RAB38: variants seen among roughly 807,000 people sequenced by gnomAD.
RAB38 encodes RAB38, member RAS oncogene family, also known as ras-related protein Rab-38.
Under a neutral mutation model 18.4 loss-of-function variants are expected in RAB38, and 15 were observed. The ratio of observed to expected loss-of-function variants is 0.82; its 90% CI spans 0.55 to 1.26. The LOEUF (loss-of-function observed/expected upper bound fraction) is 1.26, where lower values mean the gene tolerates loss of function less well. RAB38 is among the 50% of genes most tolerant of loss of function. The pLI, the probability that RAB38 is intolerant of heterozygous loss-of-function variation, is 0.00. For synonymous variants in RAB38, 101 were observed against 104.4 expected (o/e 0.97, Z 0.20); for missense variants, 294 against 267.4 (o/e 1.10, Z -0.69).
At chr11:87,811,257 G>T in the RAB38 span, among the ~76,000 whole-genome samples, 12 of 152,136 alleles carry the variant, frequency 7.9e-5, no homozygotes, top group Admixed American at 7.9e-4. Context: ...CACATGCCCA[G>T]GAATTTTCTT....
At chr11:88,012,593 C>T in the RAB38 span, among the ~76,000 whole-genome samples, 8 of 152,100 alleles carry the variant, frequency 5.3e-5, no homozygotes, top group Non-Finnish European at 1.0e-4. Flanking sequence ...ACAAGGCTCC[C>T]AAAAGCCATC....
At chr11:87,805,922 G>A in the RAB38 span, among the ~76,000 whole-genome samples, 1 of 152,062 alleles carries the variant, frequency 6.6e-6, no homozygotes, top group East Asian at 1.9e-4. Flanking sequence ...AACTGGTTTA[G>A]TGGGCCTCCC....
chr11:88,033,095 G>A, the RAB38 span, among the ~76,000 whole-genome samples: 9 of 152,096 alleles, frequency 5.9e-5, no homozygotes, highest in African/African-American at 2.2e-4. Flanking sequence ...GATGAAATTG[G>A]AAATCATCAT....
chr11:88,140,365 C>T (rs12274407), intron 2 of RAB38, among the ~76,000 whole-genome samples: 83,209 of 152,068 alleles, frequency 0.55, 23,494 homozygotes, highest in African/African-American at 0.68. Context: ...ATAAATACTC[C>T]GCACGGGCAG....
chr11:88,149,368 A>C (rs2134826390), intron 2 of RAB38, among the ~76,000 whole-genome samples: 2 of 152,368 alleles, frequency 1.3e-5, no homozygotes, highest in South Asian at 4.1e-4. Flanking sequence ...AGGACTAAAT[A>C]GGAAAATGCA....
At chr11:87,946,281 C>T in the RAB38 span, among the ~76,000 whole-genome samples, 3 of 152,144 alleles carry the variant, frequency 2.0e-5, no homozygotes, top group African/African-American at 7.2e-5. Flanking sequence ...GATACGCTGT[C>T]ACCTCTAAGC....
the RAB38 span, among the ~76,000 whole-genome samples, chr11:88,091,977 A>G: frequency 6.6e-6 from 1 of 151,838 alleles, no homozygotes; most frequent in Non-Finnish European, 1.5e-5. Context: ...GTGAAGAAAA[A>G]GGCAATAATT....
chr11:88,063,168 T>C, the RAB38 span, among the ~76,000 whole-genome samples: 7 of 152,190 alleles, frequency 4.6e-5, no homozygotes, highest in Non-Finnish European at 1.0e-4. Flanking sequence ...AATTTACAAC[T>C]ATATCTATAA....
chr11:88,119,859 C>G (rs35680794), intron 2 of RAB38, among the ~76,000 whole-genome samples: 2,004 of 152,224 alleles, frequency 0.013, 45 homozygotes, highest in African/African-American at 0.046. Flanking sequence ...AGATGGCCTA[C>G]TGGATAATAA....
At chr11:88,119,169 C>G (rs900102923) in intron 2 of RAB38, among the ~76,000 whole-genome samples, 2 of 152,086 alleles carry the variant, frequency 1.3e-5, no homozygotes, top group African/African-American at 4.8e-5. Flanking sequence ...GTTACCAGGG[C>G]CCTCCTTCCA....
rs376800936 is a variant in RAB38, at chr11:88,113,979, A to T, written c.*9T>A. 2.5e-6 allele frequency: 4 copies of T among 1,613,864 alleles called. No homozygotes were observed. Among genetic ancestry groups the T allele is most frequent in the African/African-American group, 2.7e-5 (2 of 74,928 alleles). On this transcript the variant is annotated 3_prime_UTR_variant, in exon 3 of 3. Coordinates refer to ENST00000243662, the MANE Select transcript of RAB38 (RefSeq NM_022337.3). ...GGTCATTCCTACCAGACACCAGCAA[A>T]GGTGCCTACTAGGATTTGGCACAGC...
At chr11:87,966,772 A>G in the RAB38 span, among the ~76,000 whole-genome samples, 1 of 152,204 alleles carries the variant, frequency 6.6e-6, no homozygotes, top group African/African-American at 2.4e-5. Flanking sequence ...CATTAAGTAC[A>G]TAATTTTATC....
At chr11:87,947,912 T>G in the RAB38 span, among the ~76,000 whole-genome samples, 1 of 152,162 alleles carries the variant, frequency 6.6e-6, no homozygotes, top group African/African-American at 2.4e-5. Context: ...CTAAAGTAGT[T>G]GTTTTCCAAT....
the RAB38 span, among the ~76,000 whole-genome samples, chr11:87,819,034 T>C: frequency 6.6e-6 from 1 of 152,222 alleles, no homozygotes; most frequent in Admixed American, 6.5e-5. Context: ...TGAACTGGAT[T>C]CAAATGAAGA....
chr11:87,893,816 A>T, the RAB38 span, among the ~76,000 whole-genome samples: 1 of 151,586 alleles, frequency 6.6e-6, no homozygotes, highest in Non-Finnish European at 1.5e-5. Flanking sequence ...GCTTAGAAAA[A>T]CTTTGGGGTA....
intron 2 of RAB38, among the ~76,000 whole-genome samples, chr11:88,147,820 G>C (rs1015082460): frequency 1.3e-5 from 2 of 152,116 alleles, no homozygotes; most frequent in Admixed American, 6.5e-5. Context: ...TTGAATCCGG[G>C]GGGTGGAGCT....
the RAB38 span, among the ~76,000 whole-genome samples, chr11:87,810,463 T>G: frequency 3.3e-5 from 5 of 152,178 alleles, no homozygotes; most frequent in African/African-American, 1.2e-4. Context: ...TATTTCGAGA[T>G]TCATCTATGT....
At chr11:88,141,825 C>T (rs894875739) in intron 2 of RAB38, among the ~76,000 whole-genome samples, 2 of 152,210 alleles carry the variant, frequency 1.3e-5, no homozygotes, top group Non-Finnish European at 2.9e-5. Flanking sequence ...CTCCTTCCAT[C>T]TCTGCCTTTG....
chr11:88,154,555 G>A (rs145586134), intron 1 of RAB38, among the ~76,000 whole-genome samples: 1 of 152,318 alleles, frequency 6.6e-6, no homozygotes, highest in African/African-American at 2.4e-5. Flanking sequence ...CTCCCAGGCA[G>A]AAATCCAGGC....
Sources: allele counts gnomAD v4.1 joint callset (sites outside exome capture counted in the v4.1 genomes callset), GRCh38; gene constraint gnomAD v4.1.1; transcripts MANE v1.5; gene names NCBI Gene and HGNC (gene_info 2026-07-23, HGNC 2026-07-21).